Variants in COL15A1 observed in about 807,000 individuals in gnomAD.
The protein encoded by COL15A1 is collagen alpha-1(XV) chain.
A neutral mutation model predicts 165.9 loss-of-function variants in COL15A1; 111 were observed. The ratio of observed to expected loss-of-function variants is 0.67; its 90% CI spans 0.57 to 0.78. The LOEUF (loss-of-function observed/expected upper bound fraction) is 0.78. COL15A1 is among the 30% of genes least tolerant of loss of function. The pLI is 0.00. For missense variants in COL15A1, 1,745 were observed against 1,789.7 expected, an observed-to-expected ratio of 0.98 and a Z score of 0.45; for synonymous variants, 659 against 674.8, an observed-to-expected ratio of 0.98 and a Z score of 0.36.
At chr9:98,990,909 G>T (rs2118905332) in intron 5 of COL15A1, among the ~76,000 whole-genome samples, 1 of 152,232 alleles carries the variant, frequency 6.6e-6, no homozygotes, top group African/African-American at 2.4e-5. Flanking sequence ...TCTGGAGTTT[G>T]TTCCTTCTGA....
intron 2 of COL15A1, among the ~76,000 whole-genome samples, chr9:98,975,538 CTGTT>C (rs1838128418): frequency 6.6e-6 from 1 of 152,210 alleles, no homozygotes; most frequent in African/African-American, 2.4e-5. Flanking sequence ...GAACCCTGCT[CTGTT>C]TGTTTCTTCA....
At chr9:99,044,945 T>C (rs559637922) in intron 26 of COL15A1, among the ~76,000 whole-genome samples, 175 bp downstream of exon 26, 2 of 152,346 alleles carry the variant, frequency 1.3e-5, no homozygotes, top group South Asian at 2.1e-4. Context: ...TTTTCAGTGA[T>C]TTAACACAAT....
intron 2 of COL15A1, among the ~76,000 whole-genome samples, chr9:98,963,440 G>A (rs934445582): frequency 2.0e-5 from 3 of 152,268 alleles, no homozygotes; most frequent in Admixed American, 6.5e-5. Flanking sequence ...ACATTTTAGC[G>A]ATGTGACTCC....
intron 2 of COL15A1, among the ~76,000 whole-genome samples, chr9:98,981,923 A>G (rs898211030): frequency 6.6e-6 from 1 of 151,908 alleles, no homozygotes; most frequent in Admixed American, 6.6e-5. Context: ...TCCTGGCCCA[A>G]CTTCCAGAGT....
At chr9:98,966,644 G>C (rs1837962493) in intron 2 of COL15A1, among the ~76,000 whole-genome samples, 1 of 152,234 alleles carries the variant, frequency 6.6e-6, no homozygotes, top group African/African-American at 2.4e-5. Context: ...TGAGAAGCCA[G>C]TGTGTTTAAG....
intron 13 of COL15A1, among the ~76,000 whole-genome samples, chr9:99,022,407 C>T (rs1442429305): frequency 6.6e-6 from 1 of 152,214 alleles, no homozygotes; most frequent in East Asian, 1.9e-4. Flanking sequence ...ACCCATGCCC[C>T]AGACCTGCTT....
chr9:98,963,340 G>A (rs546726544), intron 2 of COL15A1, among the ~76,000 whole-genome samples: 39 of 152,300 alleles, frequency 2.6e-4, no homozygotes, highest in Admixed American at 8.5e-4. Context: ...GAAAATGCTG[G>A]ACTTTGGGGA....
At chr9:99,035,781 T>C (rs1290823994) in intron 19 of COL15A1, among the ~76,000 whole-genome samples, 1 of 152,140 alleles carries the variant, frequency 6.6e-6, no homozygotes, top group Non-Finnish European at 1.5e-5. Flanking sequence ...CAAAGCCCTG[T>C]GCTCCTGGCA....
chr9:99,021,033 A>G (rs1839018170), intron 12 of COL15A1, among the ~76,000 whole-genome samples: 1 of 152,236 alleles, frequency 6.6e-6, no homozygotes, highest in African/African-American at 2.4e-5. Context: ...TCCTCTTACC[A>G]AAACACCTAT....
intron 25 of COL15A1, 32 bp from the exon 26 acceptor site, chr9:99,044,703 A>G (rs1839466367): frequency 1.2e-6 from 2 of 1,612,686 alleles, no homozygotes; most frequent in African/African-American, 1.3e-5. Flanking sequence ...TTCTGTCCCA[A>G]ACAGTGACAA....
Position 99,062,076 on chromosome 9 carries a change from A to G in COL15A1, c.3508A>G (p.Arg1170Gly). 1 of 1,614,062 alleles carries G rather than the reference A, an allele frequency of 6.2e-7. No homozygotes were observed. The highest frequency in any genetic ancestry group is 8.5e-7 in the Non-Finnish European group (1 of 1,179,946). The change falls in exon 37 of 42, where the codon AGA (arginine) becomes GGA (glycine). Residue 1170 changes from arginine to glycine, a missense_variant. Coordinates refer to ENST00000375001, the MANE Select transcript of COL15A1 (RefSeq NM_001855.5). Reference protein sequence around the residue: ...RDSTEFFIRVRDGWKKLQLGE... With the variant: ...RDSTEFFIRVGDGWKKLQLGE... Reference sequence around the variant, plus strand: ...CAGCACTGAGTTTTTCATTCGTGTTAGAGATGGCTGGAAAAAATTACAGGT... The same window carrying G: ...CAGCACTGAGTTTTTCATTCGTGTTGGAGATGGCTGGAAAAAATTACAGGT...
intron 26 of COL15A1, among the ~76,000 whole-genome samples, chr9:99,047,461 G>A (rs565533734): frequency 2.0e-4 from 30 of 152,348 alleles, no homozygotes; most frequent in African/African-American, 6.5e-4. Context: ...CCAGCACCTG[G>A]CTACCAGGGA....
At position 99,025,167 on chromosome 9, in the gene COL15A1, C is replaced by T. The variant is rs1394117116; in HGVS notation, c.1980+168C>T. 3.9e-5 allele frequency among the ~76,000 whole-genome samples: 6 copies of T among 152,158 alleles called. No homozygotes were observed. In the South Asian group the frequency reaches 8.3e-4, roughly 21 times the overall value. ...CCTCATCTGAATCATTGCTGAGATT[C>T]GAAAGAAGCAGCAGCCAAGAAAAAC... On this transcript the variant is annotated intron_variant, in intron 15 of 41. Transcript: ENST00000375001.
At chr9:98,964,654 A>G (rs560667500) in intron 2 of COL15A1, among the ~76,000 whole-genome samples, 1 of 152,282 alleles carries the variant, frequency 6.6e-6, no homozygotes, top group East Asian at 1.9e-4. Context: ...TTGGGTACCT[A>G]GTGTGTACCA....
At chr9:99,035,192 G>T (rs1288654762) in intron 18 of COL15A1, 38 bp downstream of exon 18, 3 of 1,583,282 alleles carry the variant, frequency 1.9e-6, no homozygotes, top group Non-Finnish European at 2.6e-6. Flanking sequence ...AAAATGATGT[G>T]TACTAAGGGC....
At chr9:98,972,526 A>G (rs1399095070) in intron 2 of COL15A1, among the ~76,000 whole-genome samples, 2 of 152,250 alleles carry the variant, frequency 1.3e-5, no homozygotes, top group East Asian at 3.8e-4. Context: ...AATGGGGATA[A>G]TAATATCATC....
chr9:98,981,987 G>C (rs1405289455), intron 2 of COL15A1, among the ~76,000 whole-genome samples: 1 of 152,086 alleles, frequency 6.6e-6, no homozygotes, highest in Non-Finnish European at 1.5e-5. Context: ...ATTTTTTGTA[G>C]AGATGGTCTC....
intron 13 of COL15A1, 50 bp downstream of exon 13, chr9:99,022,200 T>G (rs780916454): frequency 6.2e-7 from 1 of 1,612,194 alleles, no homozygotes; most frequent in East Asian, 2.2e-5. Flanking sequence ...AGACCAGGGA[T>G]GCGGCCAAAA....
At chr9:98,961,179 T>C (rs1452725881) in intron 2 of COL15A1, among the ~76,000 whole-genome samples, 1 of 152,234 alleles carries the variant, frequency 6.6e-6, no homozygotes, top group Non-Finnish European at 1.5e-5. Flanking sequence ...GTATTGACTG[T>C]TCTCTGAATA....
Sources: allele counts gnomAD v4.1 joint callset (sites outside exome capture counted in the v4.1 genomes callset), GRCh38; gene constraint gnomAD v4.1.1; transcripts MANE v1.5; gene names NCBI Gene and HGNC (gene_info 2026-07-23, HGNC 2026-07-21).